SLC24A2: variants seen among roughly 807,000 people sequenced by gnomAD.
SLC24A2 encodes the protein sodium/potassium/calcium exchanger 2.
In SLC24A2, 36 loss-of-function variants were observed where a neutral mutation model predicts 62.0. That is an observed-to-expected ratio of 0.58 (90% CI 0.44 to 0.77). The LOEUF (loss-of-function observed/expected upper bound fraction) is 0.77. SLC24A2 is among the 30% of genes least tolerant of loss of function. SLC24A2 has a pLI of 0.00. For synonymous variants in SLC24A2, 358 were observed against 294.0 expected (o/e 1.22, Z -2.23); for missense variants, 846 against 817.9 (o/e 1.03, Z -0.42).
chr9:20,038,823 G>A, the SLC24A2 span, among the ~76,000 whole-genome samples: 1 of 152,132 alleles, frequency 6.6e-6, no homozygotes, highest in Admixed American at 6.6e-5. Context: ...CCACATGGAG[G>A]CACAGAATAA....
the SLC24A2 span, among the ~76,000 whole-genome samples, chr9:19,971,700 G>T: frequency 6.6e-6 from 1 of 152,134 alleles, no homozygotes; most frequent in African/African-American, 2.4e-5. Flanking sequence ...CTTCTGCTGT[G>T]TGGGGACTGA....
chr9:19,627,378 A>G (rs1026780778), intron 2 of SLC24A2, among the ~76,000 whole-genome samples: 1 of 152,228 alleles, frequency 6.6e-6, no homozygotes, highest in Admixed American at 6.5e-5. Flanking sequence ...TGGAAGGAGT[A>G]GAAGAGAAAT....
At chr9:20,236,783 G>A in the SLC24A2 span, among the ~76,000 whole-genome samples, 1 of 152,100 alleles carries the variant, frequency 6.6e-6, no homozygotes, top group Non-Finnish European at 1.5e-5. Flanking sequence ...GCGGCGGGTG[G>A]AACTGTTTGC....
chr9:19,826,898 T>C, the SLC24A2 span, among the ~76,000 whole-genome samples: 4 of 152,122 alleles, frequency 2.6e-5, no homozygotes, highest in African/African-American at 4.8e-5. Flanking sequence ...CTCCTCCTGG[T>C]TCCATGTGTG....
At chr9:20,260,892 G>C in the SLC24A2 span, among the ~76,000 whole-genome samples, 4 of 114,076 alleles carry the variant, frequency 3.5e-5, no homozygotes, top group African/African-American at 1.4e-4. Context: ...GTCTCACCCT[G>C]TTGCCCAGGC....
the SLC24A2 span, among the ~76,000 whole-genome samples, chr9:20,224,703 A>G: frequency 1.3e-5 from 2 of 150,330 alleles, no homozygotes; most frequent in African/African-American, 4.9e-5. Context: ...AGAGGGAGGG[A>G]GGGATGGAGG....
chr9:20,157,661 C>A, the SLC24A2 span, among the ~76,000 whole-genome samples: 1 of 151,468 alleles, frequency 6.6e-6, no homozygotes, highest in Non-Finnish European at 1.5e-5. Context: ...CCACAAGAAA[C>A]CTTGTTTCTG....
chr9:19,650,153 A>G (rs539691963), intron 2 of SLC24A2, among the ~76,000 whole-genome samples: 7 of 152,346 alleles, frequency 4.6e-5, no homozygotes, highest in African/African-American at 1.7e-4. Context: ...CACCTGGTAA[A>G]TGCTCAACAA....
chr9:20,144,748 G>A, the SLC24A2 span, among the ~76,000 whole-genome samples: 3 of 151,880 alleles, frequency 2.0e-5, no homozygotes, highest in Non-Finnish European at 4.4e-5. Context: ...TTAACTATAC[G>A]GCTGTCCTCA....
chr9:19,663,862 G>A (rs1213210452), intron 2 of SLC24A2, among the ~76,000 whole-genome samples: 3 of 152,216 alleles, frequency 2.0e-5, no homozygotes, highest in Non-Finnish European at 2.9e-5. Context: ...AAGCCTGATG[G>A]CAGCAGGGCA....
chr9:20,120,680 C>G, the SLC24A2 span, among the ~76,000 whole-genome samples: 1 of 151,992 alleles, frequency 6.6e-6, no homozygotes, highest in African/African-American at 2.4e-5. Context: ...ATCTGCATAT[C>G]TACCCTCTGA....
At chr9:20,274,201 C>T in the SLC24A2 span, among the ~76,000 whole-genome samples, 2 of 152,022 alleles carry the variant, frequency 1.3e-5, no homozygotes, top group Non-Finnish European at 2.9e-5. Context: ...GATAATGATG[C>T]CAGCTGTTGT....
rs143955907 is a variant in SLC24A2 at position 19,711,359 on chromosome 9, C to G, written c.930+74578G>C. Reference sequence around the variant, plus strand: ...TATAGTAAATACAGAAAGATACAGTCCTCATGACAAAAGCTCTTTGGGGTC... The same window carrying G: ...TATAGTAAATACAGAAAGATACAGTGCTCATGACAAAAGCTCTTTGGGGTC... On this transcript the variant is annotated intron_variant, in intron 2 of 10. Transcript: ENST00000341998. Among the ~76,000 whole-genome samples, 9 of 152,274 alleles carry G rather than the reference C, an allele frequency of 5.9e-5. No individual in the cohort carries two copies. In the East Asian group the frequency reaches 1.7e-3, roughly 29 times the overall value.
chr9:20,070,423 T>C, the SLC24A2 span, among the ~76,000 whole-genome samples: 1 of 152,218 alleles, frequency 6.6e-6, no homozygotes, highest in Non-Finnish European at 1.5e-5. Context: ...TAAGCTCAGC[T>C]TTGTCTCATA....
At chr9:19,818,346 A>G in the SLC24A2 span, among the ~76,000 whole-genome samples, 1 of 152,132 alleles carries the variant, frequency 6.6e-6, no homozygotes, top group Non-Finnish European at 1.5e-5. Context: ...TTCAACTTCA[A>G]TGGGATAAAT....
chr9:20,125,696 C>T, the SLC24A2 span, among the ~76,000 whole-genome samples: 938 of 152,202 alleles, frequency 6.2e-3, 14 homozygotes, highest in African/African-American at 0.022. Flanking sequence ...TTATTTGGGG[C>T]TCCAGAGCAC....
At chr9:19,986,387 G>T in the SLC24A2 span, among the ~76,000 whole-genome samples, 1 of 145,292 alleles carries the variant, frequency 6.9e-6, no homozygotes, top group Non-Finnish European at 1.5e-5. Context: ...TCCTCAAAAA[G>T]TTAAGTATAG....
the SLC24A2 span, among the ~76,000 whole-genome samples, chr9:19,903,039 CT>C: frequency 0.043 from 6,304 of 145,484 alleles, 252 homozygotes; most frequent in East Asian, 0.2. Context: ...AAAAATCAGG[CT>C]TTTTTTTTTT....
Position 19,658,915 on chromosome 9 carries a change from C to T in SLC24A2, c.931-36616G>A, listed in dbSNP as rs558789824. Among the ~76,000 whole-genome samples, 24 of 152,338 alleles carry T rather than the reference C, an allele frequency of 1.6e-4. No homozygotes were observed. In the South Asian group the frequency reaches 1.7e-3, roughly 11 times the overall value. On this transcript the variant is annotated intron_variant, in intron 2 of 10. Coordinates refer to ENST00000341998, the MANE Select transcript of SLC24A2 (RefSeq NM_020344.4). ...TTCCAGTTTCCCTCTCTCCCTTGAA[C>T]CTTCACGCAACGAACGTACACAAGT...
Sources: gnomAD v4.1 joint callset for allele counts (sites outside exome capture counted in the v4.1 genomes callset) on GRCh38, gnomAD v4.1.1 for gene constraint, MANE v1.5 for transcripts, NCBI Gene and HGNC (gene_info 2026-07-23, HGNC 2026-07-21) for gene names.